Variants in NTRK2 observed in about 807,000 individuals in gnomAD.
The protein encoded by NTRK2 is BDNF/NT-3 growth factors receptor.
A neutral mutation model predicts 94.5 loss-of-function variants in NTRK2; 13 were observed. The observed-to-expected ratio is 0.14, with a 90% CI of 0.09 to 0.22. NTRK2 has a LOEUF of 0.22. Ranked by LOEUF, NTRK2 falls within the 10% of genes least tolerant of loss-of-function variation. NTRK2 has a pLI of 1.00. For synonymous variants in NTRK2, 372 were observed against 407.4 expected, an observed-to-expected ratio of 0.91 and a Z score of 1.05; for missense variants, 639 against 1,071.2, an observed-to-expected ratio of 0.60 and a Z score of 5.63.
In NTRK2 at chr9:85,020,186, G is replaced by GT; in HGVS notation, c.2173-18dup. ...GTTTCGGGGTGACTGATGCCTCCCT[G>GT]TTGATCCCTTTCTCCCCAGGTCGGT... On this transcript the variant is annotated intron_variant, in intron 17 of 18. Transcript: ENST00000277120. The GT allele has an allele frequency of 1.2e-6, 2 of 1,613,842 alleles. No homozygotes were observed. The highest frequency in any genetic ancestry group is 4.5e-5 in the East Asian group (2 of 44,882).
intron 17 of NTRK2, among the ~76,000 whole-genome samples, chr9:84,961,468 T>C (rs1274581247): frequency 6.6e-6 from 1 of 152,228 alleles, no homozygotes; most frequent in African/African-American, 2.4e-5. Context: ...AGAAGTCTAT[T>C]AAGTTCAGAC....
rs79375775 is a variant in NTRK2 at position 84,683,968 on chromosome 9, C to T, written c.212+13008C>T. Among the ~76,000 whole-genome samples the T allele has an allele frequency of 3.3e-3, 505 of 152,180 alleles. 18 individuals are homozygous for T. In the East Asian group the frequency reaches 0.073, roughly 22 times the overall value. ...GTGAGGATGATGATGAGCTTTGGTT[C>T]ATCTGTTTGTTGGCCACATAAACGT... On this transcript the variant is annotated intron_variant, in intron 2 of 18. Coordinates refer to ENST00000277120, the MANE Select transcript of NTRK2 (RefSeq NM_006180.6).
intron 2 of NTRK2, among the ~76,000 whole-genome samples, chr9:84,693,557 C>G (rs2060186194): frequency 6.6e-6 from 1 of 152,110 alleles, no homozygotes; most frequent in Admixed American, 6.5e-5. Context: ...CAAATTTCCT[C>G]TTGCACTAGA....
intron 12 of NTRK2, among the ~76,000 whole-genome samples, chr9:84,839,752 C>G (rs1191999193): frequency 2.0e-5 from 3 of 152,198 alleles, no homozygotes; most frequent in Admixed American, 2.0e-4. Context: ...TGCCCGGGAG[C>G]TATGCTGCCG....
At chr9:84,766,576 A>G (rs1412715596) in intron 12 of NTRK2, among the ~76,000 whole-genome samples, 1 of 152,070 alleles carries the variant, frequency 6.6e-6, no homozygotes. Context: ...AGAGTTCCTC[A>G]TACAAGAGTA....
At chr9:84,961,338 C>T (rs998132591) in intron 17 of NTRK2, among the ~76,000 whole-genome samples, 6 of 152,260 alleles carry the variant, frequency 3.9e-5, no homozygotes, top group East Asian at 1.9e-4. Context: ...CTTTCTGTTT[C>T]GGCTCTTTTG....
At position 85,020,352 on chromosome 9, in the gene NTRK2, G is replaced by A. The variant is rs201811437; in HGVS notation, c.2319G>A (p.Leu773=). The change falls in exon 18 of 19, where the codon CTG becomes CTA. Residue 773 remains leucine, a synonymous_variant. Coordinates refer to ENST00000277120, the MANE Select transcript of NTRK2 (RefSeq NM_006180.6). ...FTYGKQPWYQ[L]SNNEVIECIT... ...ATGGCAAACAGCCCTGGTACCAGCT[G>A]TCAAACAATGAGGTGTGCAATGGGT... is the stretch of plus-strand genomic sequence containing the variant. The A allele has an allele frequency of 1.9e-6, 3 of 1,614,156 alleles. No homozygotes were observed. Among genetic ancestry groups the A allele is most frequent in the Non-Finnish European group, 2.5e-6 (3 of 1,180,022 alleles).
chr9:84,803,746 A>C (rs923845013), intron 12 of NTRK2, among the ~76,000 whole-genome samples: 9 of 152,250 alleles, frequency 5.9e-5, no homozygotes, highest in African/African-American at 2.2e-4. Context: ...AGAGTTGGGT[A>C]ATTCATGTTT....
intron 4 of NTRK2, among the ~76,000 whole-genome samples, chr9:84,707,087 C>A (rs1336089496): frequency 6.6e-6 from 1 of 152,048 alleles, no homozygotes; most frequent in Admixed American, 6.5e-5. Context: ...AGTTTCCTAC[C>A]CCAAAATCTC....
intron 6 of NTRK2, among the ~76,000 whole-genome samples, chr9:84,713,461 T>C (rs1246529657): frequency 1.3e-5 from 2 of 152,228 alleles, no homozygotes; most frequent in East Asian, 3.8e-4. Context: ...TGGGATTTTA[T>C]TTTTGTATTG....
rs114641811 is a variant in NTRK2, at chr9:84,884,731, T to C, written c.1633+17300T>C. On this transcript the variant is annotated intron_variant, in intron 14 of 18. Coordinates refer to ENST00000277120, the MANE Select transcript of NTRK2 (RefSeq NM_006180.6). ...GAAAAATACAATTTTCTGTGTTTAATAAAACTGTTGTCTTCTCATAGTGCT... is the reference window on the plus strand; with the variant it reads ...GAAAAATACAATTTTCTGTGTTTAACAAAACTGTTGTCTTCTCATAGTGCT... 9.6e-3 allele frequency among the ~76,000 whole-genome samples: 1,460 copies of C among 152,336 alleles called. 22 individuals carry two copies. The highest frequency in any genetic ancestry group is 0.034 in the African/African-American group (1,400 of 41,564).
intron 12 of NTRK2, among the ~76,000 whole-genome samples, chr9:84,805,712 T>C (rs1213172925): frequency 1.3e-5 from 2 of 152,192 alleles, no homozygotes; most frequent in South Asian, 2.1e-4. Context: ...GTTGAGGCCT[T>C]TAAGAAATAA....
chr9:84,891,229 C>G (rs1211746822), intron 14 of NTRK2, among the ~76,000 whole-genome samples: 5 of 151,260 alleles, frequency 3.3e-5, no homozygotes, highest in African/African-American at 1.2e-4. Flanking sequence ...TCAAGATGGT[C>G]AAGCTTTTTT....
At chr9:84,994,483 T>TCAG (rs1829488687) in intron 17 of NTRK2, among the ~76,000 whole-genome samples, 1 of 152,212 alleles carries the variant, frequency 6.6e-6, no homozygotes, top group African/African-American at 2.4e-5. Context: ...AGAGGATGGT[T>TCAG]TGGAGGCAGG....
At chr9:84,872,951 A>T (rs2075919872) in intron 14 of NTRK2, 5 of 1,064,910 alleles carry the variant, frequency 4.7e-6, no homozygotes. Flanking sequence ...GCTGGAGGTG[A>T]TATTTTTCAC....
At chr9:84,738,746 A>G (rs1338225912) in intron 9 of NTRK2, among the ~76,000 whole-genome samples, 2 of 152,170 alleles carry the variant, frequency 1.3e-5, no homozygotes, top group Non-Finnish European at 2.9e-5. Context: ...TGGTGAGTAG[A>G]CCTTTGTCAG....
chr9:84,810,773 A>C, intron 12 of NTRK2: 1 of 1,440,554 alleles, frequency 6.9e-7, no homozygotes, highest in Non-Finnish European at 9.1e-7. Flanking sequence ...GTGATTGGGG[A>C]ACACCAATGC....
rs993988222 is a variant in NTRK2, at chr9:84,888,381, C to T, written c.1633+20950C>T. Among the ~76,000 whole-genome samples, 6 of 151,630 alleles carry T rather than the reference C, an allele frequency of 4.0e-5. No individual in the cohort carries two copies. The South Asian group carries it at 6.3e-4, about 16-fold the overall frequency. ...CAGAGAACACTTCGGGAGGACATGG[C>T]GGGTGGATCACAAGGTCAAGAGACC... On this transcript the variant is annotated intron_variant, in intron 14 of 18. Coordinates refer to ENST00000277120, the MANE Select transcript of NTRK2 (RefSeq NM_006180.6).
At chr9:84,802,212 T>G (rs1284050759) in intron 12 of NTRK2, among the ~76,000 whole-genome samples, 1 of 152,244 alleles carries the variant, frequency 6.6e-6, no homozygotes, top group South Asian at 2.1e-4. Context: ...ATTTTTAGCA[T>G]GGTCACCATA....
Sources: gnomAD v4.1 joint callset for allele counts (sites outside exome capture counted in the v4.1 genomes callset) on GRCh38, gnomAD v4.1.1 for gene constraint, MANE v1.5 for transcripts, NCBI Gene and HGNC (gene_info 2026-07-23, HGNC 2026-07-21) for gene names.